The following ACVRL1 variants were observed in gnomAD, a reference collection of about 807,000 sequenced individuals.
ACVRL1 encodes activin receptor type-1-like.
Under a neutral mutation model 51.9 loss-of-function variants are expected in ACVRL1, and 20 were observed. The observed-to-expected ratio is 0.39, with a 90% confidence interval of 0.27 to 0.56. The LOEUF (loss-of-function observed/expected upper bound fraction) is 0.56. Among genes scored for constraint, ACVRL1 ranks in the 20% least tolerant of loss-of-function variants. The pLI is 0.67. For synonymous variants in ACVRL1, 288 were observed against 280.9 expected (o/e 1.03, Z -0.25); for missense variants, 451 against 670.3 (o/e 0.67, Z 3.61).
At chr12:51,908,865 A>G (rs1249253253) in intron 1 of ACVRL1, among the ~76,000 whole-genome samples, 1 of 152,212 alleles carries the variant, frequency 6.6e-6, no homozygotes, top group African/African-American at 2.4e-5. Context: ...TCCAGAGCCC[A>G]CACCCTAACC....
intron 1 of ACVRL1, among the ~76,000 whole-genome samples, chr12:51,910,013 G>C (rs1940659305): frequency 6.6e-6 from 1 of 152,214 alleles, no homozygotes; most frequent in Non-Finnish European, 1.5e-5. Context: ...GCTACAGTCA[G>C]ATTTCAGGGT....
In ACVRL1 at chr12:51,913,504, G is replaced by A. The variant is rs1305342510; in HGVS notation, c.314-55G>A. Reference sequence around the variant, plus strand: ...TCTAACTGGCAGAGTGGTCTGGCCCGAGGTGGGGGGAGCTGACCTAGTGGA... The same window carrying A: ...TCTAACTGGCAGAGTGGTCTGGCCCAAGGTGGGGGGAGCTGACCTAGTGGA... On this transcript the variant is annotated intron_variant, in intron 3 of 9. Coordinates refer to ENST00000388922, the MANE Select transcript of ACVRL1 (RefSeq NM_000020.3). 1.2e-5 allele frequency: 18 copies of A among 1,557,090 alleles called. No individual in the cohort carries two copies. The Admixed American group carries it at 2.4e-4, about 20-fold the overall frequency.
At chr12:51,914,164 G>T in intron 5 of ACVRL1, 91 bp downstream of exon 5, 8 of 1,419,078 alleles carry the variant, frequency 5.6e-6, no homozygotes, top group Admixed American at 2.0e-5. Flanking sequence ...AATCACAGGC[G>T]GTGCCAGGCC....
intron 7 of ACVRL1, 105 bp downstream of exon 7, chr12:51,915,605 T>C: frequency 1.4e-6 from 2 of 1,417,884 alleles, no homozygotes; most frequent in Non-Finnish European, 1.9e-6. Context: ...CTTGAAAATT[T>C]AGAGGTGCAT....
At chr12:51,915,956 T>G in intron 7 of ACVRL1, 80 bp from the exon 8 acceptor site, 1 of 1,499,634 alleles carries the variant, frequency 6.7e-7, no homozygotes. Flanking sequence ...GTCCCACTGT[T>G]TCTCTCAGTC....
At position 51,919,042 on chromosome 12, in the gene ACVRL1, T is replaced by G; in HGVS notation, c.1304T>G (p.Phe435Cys). 6.2e-7 allele frequency: 1 copy of G among 1,614,112 alleles called. No homozygotes were observed. Among genetic ancestry groups the G allele is most frequent in the Non-Finnish European group, 8.5e-7 (1 of 1,180,006 alleles). Residue 435 changes from phenylalanine (F) to cysteine (C), a missense_variant, in exon 9 of 10, where the codon TTT becomes TGT. This residue lies in a region of ACVRL1 where 259 missense variants were observed against 453.4 expected (regional missense o/e 0.57). Transcript: ENST00000388922. ...FYDVVPNDPS[F>C]EDMKKVVCVD... Reference sequence around the variant, plus strand: ...GATGTGGTGCCCAATGACCCCAGCTTTGAGGACATGAAGAAGGTGGTGTGT... The same window carrying G: ...GATGTGGTGCCCAATGACCCCAGCTGTGAGGACATGAAGAAGGTGGTGTGT...
intron 9 of ACVRL1, among the ~76,000 whole-genome samples, chr12:51,919,719 CTTTG>C (rs1285600064): frequency 1.5e-4 from 23 of 152,130 alleles, no homozygotes; most frequent in African/African-American, 5.3e-4. Flanking sequence ...TGCTATTTGT[CTTTG>C]TTTGTTGCTG....
Position 51,915,319 on chromosome 12 carries a change from G to C in ACVRL1, c.867G>C (p.Leu289=). 1 of 1,614,202 alleles carries C rather than the reference G, an allele frequency of 6.2e-7. No homozygotes were observed. Among genetic ancestry groups the C allele is most frequent in the Non-Finnish European group, 8.5e-7 (1 of 1,180,052 alleles). The change falls in exon 7 of 10, where the codon CTG becomes CTC. Residue 289 remains leucine, a synonymous_variant. Coordinates refer to ENST00000388922, the MANE Select transcript of ACVRL1 (RefSeq NM_000020.3). ...YHEHGSLYDF[L]QRQTLEPHLA... is the part of the protein sequence containing the mutation. Reference sequence around the variant, plus strand: ...AGCACGGCTCCCTCTACGACTTTCTGCAGAGACAGACGCTGGAGCCCCATC... The same window carrying C: ...AGCACGGCTCCCTCTACGACTTTCTCCAGAGACAGACGCTGGAGCCCCATC...
chr12:51,914,737 T>C lies in ACVRL1; in HGVS notation c.772+152T>C, dbSNP rs1211483250. ...CTTTTTTTAATTTAATTTAATTTAATTTAATTTAATTTAATTTAATTTAAT... is the reference window on the plus strand; with the variant it reads ...CTTTTTTTAATTTAATTTAATTTAACTTAATTTAATTTAATTTAATTTAAT... On this transcript the variant is annotated intron_variant, in intron 6 of 9. Transcript: ENST00000388922. 5.8e-6 allele frequency: 2 copies of C among 342,092 alleles called. 1 individual carries two copies. Among genetic ancestry groups the C allele is most frequent in the African/African-American group, 4.4e-5 (2 of 45,770 alleles). The allele number at this position is 342,092 out of a possible 1,614,324, so 21.2% of individuals were successfully genotyped here. A position where few individuals can be genotyped will look rare whatever the true frequency, so the allele number is the denominator to read the frequency against.
At chr12:51,912,357 CCTGCCT>C in intron 1 of ACVRL1, 107 bp from the exon 2 acceptor site, 4 of 1,228,894 alleles carry the variant, frequency 3.3e-6, no homozygotes, top group Non-Finnish European at 4.7e-6. Flanking sequence ...AGGCGGCCTC[CCTGCCT>C]CCCCTCCAAA....
At chr12:51,916,363 C>G in intron 8 of ACVRL1, 130 bp downstream of exon 8, 1 of 948,058 alleles carries the variant, frequency 1.1e-6, no homozygotes, top group African/African-American at 1.6e-5. Flanking sequence ...TCCATGCTGC[C>G]CACCAGCTGG....
intron 8 of ACVRL1, among the ~76,000 whole-genome samples, chr12:51,916,554 G>T (rs1940845492): frequency 6.6e-6 from 1 of 152,196 alleles, no homozygotes; most frequent in Non-Finnish European, 1.5e-5. Flanking sequence ...TTAATTCTTT[G>T]GTATGGACAA....
In ACVRL1 at chr12:51,913,509, G is replaced by A. The variant is rs561432935; in HGVS notation, c.314-50G>A. ...CTGGCAGAGTGGTCTGGCCCGAGGT[G>A]GGGGGAGCTGACCTAGTGGAAGCTG... On this transcript the variant is annotated intron_variant, in intron 3 of 9. Coordinates refer to ENST00000388922, the MANE Select transcript of ACVRL1 (RefSeq NM_000020.3). 2.0e-5 allele frequency: 31 copies of A among 1,563,022 alleles called. No homozygotes were observed. In the Admixed American group the frequency reaches 2.3e-4, roughly 12 times the overall value.
chr12:51,922,773 C>G lies in ACVRL1; in HGVS notation c.*1880C>G, dbSNP rs778974136. 6.6e-6 allele frequency: 1 copy of G among 152,272 alleles called. No individual in the cohort carries two copies. Among genetic ancestry groups the G allele is most frequent in the Non-Finnish European group, 1.5e-5 (1 of 68,050 alleles). The allele number at this position is 152,272 out of a possible 1,614,324, so 9.4% of individuals were successfully genotyped here. A position where few individuals can be genotyped will look rare whatever the true frequency, so the allele number is the denominator to read the frequency against. Reference sequence around the variant, plus strand: ...GCAGGGCAGTGAAGAAAGCTCTCCCCGCTCCTGCTGTAATGACCCAGAGTA... The same window carrying G: ...GCAGGGCAGTGAAGAAAGCTCTCCCGGCTCCTGCTGTAATGACCCAGAGTA... On this transcript the variant is annotated 3_prime_UTR_variant, in exon 10 of 10. Transcript: ENST00000388922.
At chr12:51,915,651 T>G in intron 7 of ACVRL1, 151 bp downstream of exon 7, 1 of 1,080,044 alleles carries the variant, frequency 9.3e-7, no homozygotes, top group Admixed American at 2.7e-5. Flanking sequence ...CCCCACGAGT[T>G]GTCTGAACAC....
chr12:51,919,398 TGTGTG>T, intron 9 of ACVRL1: 1 of 491,560 alleles, frequency 2.0e-6, no homozygotes, highest in East Asian at 4.0e-5. Flanking sequence ...TGTGTGTGTG[TGTGTG>T]TTTGAGAGTC....
chr12:51,910,829 C>T (rs756532134), intron 1 of ACVRL1, among the ~76,000 whole-genome samples: 3 of 152,192 alleles, frequency 2.0e-5, no homozygotes, highest in African/African-American at 4.8e-5. Context: ...GCTGGGGACA[C>T]AGCTGCAGCA....
At position 51,907,590 on chromosome 12, in the gene ACVRL1, G is replaced by C. The variant is rs1940618885; in HGVS notation, c.-111G>C. 1 of 151,992 alleles carries C rather than the reference G, an allele frequency of 6.6e-6. No individual in the cohort carries two copies. Among genetic ancestry groups the C allele is most frequent in the African/African-American group, 2.4e-5 (1 of 41,434 alleles). The allele number at this position is 151,992 out of a possible 1,614,324, so 9.4% of individuals were successfully genotyped here. On this transcript the variant is annotated 5_prime_UTR_variant, in exon 1 of 10. Transcript: ENST00000388922. This position sits in a 1 kb window ranked among gnomAD's most constrained non-coding sequence, Gnocchi z 4.5. ...GGTCCGGGGCCGCGCCCGGACCCCA[G>C]CCCGCCGTCCAGCGCTGGCGGTGCA... is the stretch of plus-strand genomic sequence containing the variant.
chr12:51,915,398 G>A lies in ACVRL1; in HGVS notation c.946G>A (p.Glu316Lys). The A allele has an allele frequency of 1.2e-6, 2 of 1,613,398 alleles. No homozygotes were observed. The highest frequency in any genetic ancestry group is 1.7e-6 in the Non-Finnish European group (2 of 1,179,892). Residue 316 changes from glutamate to lysine, a missense_variant, in exon 7 of 10, where the codon GAG becomes AAG. Coordinates refer to ENST00000388922, the MANE Select transcript of ACVRL1 (RefSeq NM_000020.3). ...AACGLAHLHV[E>K]IFGTQGKPAI... Reference sequence around the variant, plus strand: ...ATGCGGCCTGGCGCACCTGCACGTGGAGATCTTCGGTACACAGGGCAAACC... The same window carrying A: ...ATGCGGCCTGGCGCACCTGCACGTGAAGATCTTCGGTACACAGGGCAAACC...
Sources: allele counts gnomAD v4.1 joint callset (sites outside exome capture counted in the v4.1 genomes callset), GRCh38; gene constraint gnomAD v4.1.1; regional missense constraint gnomAD v4.1.1; non-coding constraint Gnocchi (gnomAD v3.1); transcripts MANE v1.5; gene names NCBI Gene and HGNC (gene_info 2026-07-23, HGNC 2026-07-21).